The following LRBA variants were observed in gnomAD, a reference collection of about 807,000 sequenced individuals.
LRBA encodes lipopolysaccharide-responsive and beige-like anchor protein.
In LRBA, 176 loss-of-function variants were observed where a neutral mutation model predicts 330.0. The ratio of observed to expected loss-of-function variants is 0.53; its 90% CI spans 0.47 to 0.60. The LOEUF (loss-of-function observed/expected upper bound fraction) is 0.60. Ranked by LOEUF, LRBA falls within the 20% of genes least tolerant of loss-of-function variation. The pLI is 0.00. For missense variants in LRBA, 3,259 were observed against 3,444.8 expected (o/e 0.95, Z 1.35); for synonymous variants, 1,230 against 1,193.0 (o/e 1.03, Z -0.64).
chr4:150,916,278 C>T, intron 7 of LRBA, 123 bp downstream of exon 7: 1 of 938,902 alleles, frequency 1.1e-6, no homozygotes, highest in Non-Finnish European at 1.6e-6. Flanking sequence ...TACGCTTCAT[C>T]TTTTTAAACA....
At chr4:150,919,548 GAACGTTGCATTA>G (rs371374761) in intron 5 of LRBA, among the ~76,000 whole-genome samples, 17 of 152,120 alleles carry the variant, frequency 1.1e-4, no homozygotes, top group African/African-American at 3.6e-4. Flanking sequence ...CTTCAAGAGT[GAACGTTGCATTA>G]AACGTTGCAT....
At chr4:150,648,158 C>CAAAAAAAAAA in intron 37 of LRBA, among the ~76,000 whole-genome samples, 436 of 18,016 alleles carry the variant, frequency 0.024, 55 homozygotes, top group Middle Eastern at 0.045. Flanking sequence ...ACACAAGTAG[C>CAAAAAAAAAA]AAAAAAAAAA....
chr4:150,279,198 G>A (rs146997842), intron 55 of LRBA, among the ~76,000 whole-genome samples: 446 of 152,282 alleles, frequency 2.9e-3, no homozygotes, highest in Admixed American at 6.3e-3. Context: ...GGTAGTTGCA[G>A]CAGAGAATGC....
intron 36 of LRBA, among the ~76,000 whole-genome samples, chr4:150,726,028 C>T (rs1452679861): frequency 6.6e-6 from 1 of 152,026 alleles, no homozygotes; most frequent in Non-Finnish European, 1.5e-5. Flanking sequence ...GAAATTAAAT[C>T]ATACCACCAG....
intron 33 of LRBA, among the ~76,000 whole-genome samples, chr4:150,805,211 GAAGGAAGGA>G (rs151110791): frequency 0.25 from 15,148 of 59,484 alleles, 2,040 homozygotes; most frequent in African/African-American, 0.38. Context: ...AGGAAGGAAG[GAAGGAAGGA>G]AAGGAAAGGA....
At chr4:150,450,325 A>C (rs1473095374) in intron 44 of LRBA, among the ~76,000 whole-genome samples, 1 of 152,176 alleles carries the variant, frequency 6.6e-6, no homozygotes, top group Non-Finnish European at 1.5e-5. Context: ...ATATAAACTT[A>C]TTGCCTCAGA....
chr4:150,460,730 G>T (rs1391464554), intron 44 of LRBA, among the ~76,000 whole-genome samples: 1 of 151,622 alleles, frequency 6.6e-6, no homozygotes, highest in Non-Finnish European at 1.5e-5. Flanking sequence ...CAAAATAACA[G>T]CTCATTTTGT....
intron 36 of LRBA, among the ~76,000 whole-genome samples, chr4:150,698,261 A>C (rs1284442209): frequency 6.6e-6 from 1 of 152,142 alleles, no homozygotes; most frequent in African/African-American, 2.4e-5. Context: ...TTATTTTAAA[A>C]TCCATTAAGA....
chr4:150,715,564 ATTGT>A (rs1728077340), intron 36 of LRBA, among the ~76,000 whole-genome samples: 1 of 152,236 alleles, frequency 6.6e-6, no homozygotes, highest in African/African-American at 2.4e-5. Flanking sequence ...TAAAAACTAC[ATTGT>A]TTGGTGTACT....
intron 44 of LRBA, among the ~76,000 whole-genome samples, chr4:150,447,384 T>A (rs1033909441): frequency 4.6e-5 from 7 of 152,182 alleles, no homozygotes; most frequent in Non-Finnish European, 8.8e-5. Flanking sequence ...AGGATCTGAA[T>A]AGAAGAAAAT....
chr4:150,443,641 G>A (rs190344234), intron 44 of LRBA, among the ~76,000 whole-genome samples: 13 of 151,848 alleles, frequency 8.6e-5, no homozygotes, highest in East Asian at 3.9e-4. Flanking sequence ...GGTGGGAACC[G>A]AACAATGAGA....
rs186219303 is a variant in LRBA, at chr4:150,655,076, G to A, written c.5921+28475C>T. On this transcript the variant is annotated intron_variant, in intron 37 of 56. Coordinates refer to ENST00000651943, the MANE Select transcript of LRBA (RefSeq NM_001364905.1). ...ATATACCCAATACTGGGATGGCTGA[G>A]TCAAATGGTATTTCTAGTCCTAGAT... 1.6e-3 allele frequency among the ~76,000 whole-genome samples: 244 copies of A among 152,298 alleles called. 1 individual carries two copies. The highest frequency in any genetic ancestry group is 3.7e-3 in the Admixed American group (56 of 15,298).
chr4:150,868,932 T>A (rs1753078768), intron 20 of LRBA, among the ~76,000 whole-genome samples: 1 of 152,018 alleles, frequency 6.6e-6, no homozygotes, highest in African/African-American at 2.4e-5. Flanking sequence ...AGCAAGACTC[T>A]GTCTCAAAAA....
intron 53 of LRBA, among the ~76,000 whole-genome samples, chr4:150,295,194 C>CT (rs146893381): frequency 0.012 from 1,412 of 113,722 alleles, 34 homozygotes; most frequent in African/African-American, 0.032. Flanking sequence ...ATTAAAATAG[C>CT]TTTTTTTTTT....
chr4:150,892,287 T>C (rs1272678968), intron 17 of LRBA, among the ~76,000 whole-genome samples: 2 of 152,200 alleles, frequency 1.3e-5, no homozygotes, highest in Non-Finnish European at 2.9e-5. Flanking sequence ...GACCAAATGT[T>C]TGCATACACC....
chr4:150,399,788 A>G (rs146814027), intron 47 of LRBA, among the ~76,000 whole-genome samples: 251 of 152,244 alleles, frequency 1.6e-3, no homozygotes, highest in African/African-American at 5.7e-3. Flanking sequence ...CCTGGCCAAT[A>G]TGGTGAAACC....
intron 55 of LRBA, among the ~76,000 whole-genome samples, chr4:150,279,971 A>G (rs1747299922): frequency 6.6e-6 from 1 of 152,242 alleles, no homozygotes; most frequent in African/African-American, 2.4e-5. Context: ...GTTATACTAA[A>G]ACAAAACCAC....
chr4:150,458,171 G>C (rs1754320531), intron 44 of LRBA, among the ~76,000 whole-genome samples: 1 of 151,804 alleles, frequency 6.6e-6, no homozygotes, highest in South Asian at 2.1e-4. Context: ...AACCAAATCT[G>C]CTATACAGAG....
At chr4:150,672,431 T>C (rs1190937372) in intron 37 of LRBA, among the ~76,000 whole-genome samples, 1 of 151,880 alleles carries the variant, frequency 6.6e-6, no homozygotes, top group East Asian at 1.9e-4. Context: ...TAAGGTACCA[T>C]AAACTTCAGA....
Sources: allele counts gnomAD v4.1 joint callset (sites outside exome capture counted in the v4.1 genomes callset), GRCh38; gene constraint gnomAD v4.1.1; transcripts MANE v1.5; gene names NCBI Gene and HGNC (gene_info 2026-07-23, HGNC 2026-07-21).